Variants in YEATS2 observed in about 807,000 individuals in gnomAD.
YEATS2 encodes the protein YEATS domain-containing protein 2.
Under a neutral mutation model 163.2 loss-of-function variants are expected in YEATS2, and 77 were observed. The observed-to-expected ratio is 0.47, with a 90% CI of 0.39 to 0.57. The LOEUF (loss-of-function observed/expected upper bound fraction) is 0.57. Ranked by LOEUF, YEATS2 falls within the 20% of genes least tolerant of loss-of-function variation. YEATS2 has a pLI of 0.00. For synonymous variants in YEATS2, 631 were observed against 645.1 expected (o/e 0.98, Z 0.33); for missense variants, 1,549 against 1,729.8 (o/e 0.90, Z 1.85).
intron 20 of YEATS2, among the ~76,000 whole-genome samples, chr3:183,789,807 G>T (rs1577198279): frequency 6.6e-6 from 1 of 151,920 alleles, no homozygotes; most frequent in South Asian, 2.1e-4. Context: ...CCAAAGTGCT[G>T]GGATTATAGG....
At chr3:183,709,143 A>G (rs1339261053) in intron 1 of YEATS2, among the ~76,000 whole-genome samples, 2 of 151,738 alleles carry the variant, frequency 1.3e-5, no homozygotes, top group African/African-American at 2.4e-5. Flanking sequence ...CTGGGCGACA[A>G]AAGTGAGACT....
intron 27 of YEATS2, chr3:183,806,498 CTTTTT>C (rs748921892): frequency 2.3e-5 from 10 of 434,236 alleles, no homozygotes; most frequent in South Asian, 1.7e-4. Context: ...AGGGGTGATT[CTTTTT>C]ATTTTCTTCA....
chr3:183,778,882 A>G (rs1723276597), intron 19 of YEATS2, among the ~76,000 whole-genome samples: 1 of 152,066 alleles, frequency 6.6e-6, no homozygotes, highest in Non-Finnish European at 1.5e-5. Flanking sequence ...AGGTTTTTAT[A>G]TTACTGTTTT....
intron 11 of YEATS2, among the ~76,000 whole-genome samples, chr3:183,756,284 C>A (rs1442356616): frequency 1.3e-5 from 2 of 152,096 alleles, no homozygotes; most frequent in Admixed American, 6.6e-5. Flanking sequence ...CTGTTTCTTA[C>A]AATTTCCTCG....
rs192728298 is a variant in YEATS2, at chr3:183,776,334, A to G, written c.2577+211A>G. ...CAAGGTGGGTGGATCGCTTGAGCCC[A>G]GGAGTTCGAGACCAACCTGGGCAAC... On this transcript the variant is annotated intron_variant, in intron 18 of 30. Coordinates refer to ENST00000305135, the MANE Select transcript of YEATS2 (RefSeq NM_018023.5). Among the ~76,000 whole-genome samples the G allele has an allele frequency of 3.8e-4, 58 of 152,146 alleles. No homozygotes were observed. The East Asian group carries it at 0.011, about 28-fold the overall frequency.
At position 183,808,067 on chromosome 3, in the gene YEATS2, A is replaced by G; in HGVS notation, c.4049A>G (p.Asn1350Ser). Reference protein sequence around the residue: ...ITLQPVALHRNVYASVVEDMI... With the variant: ...ITLQPVALHRSVYASVVEDMI... ...CTGCAGCCCGTGGCACTCCACAGGA[A>G]CGTGTATGCGTCCGTGGTGGAGGAC... The change falls in exon 29 of 31, where the codon AAC (asparagine) becomes AGC (serine). Residue 1350 changes from asparagine (N) to serine (S), a missense_variant. Coordinates refer to ENST00000305135, the MANE Select transcript of YEATS2 (RefSeq NM_018023.5). 6.4e-7 allele frequency: 1 copy of G among 1,561,988 alleles called. No homozygotes were observed. Among genetic ancestry groups the G allele is most frequent in the Non-Finnish European group, 8.7e-7 (1 of 1,152,464 alleles).
intron 1 of YEATS2, among the ~76,000 whole-genome samples, chr3:183,701,559 TTC>T (rs1205284801): frequency 2.6e-5 from 4 of 152,024 alleles, no homozygotes; most frequent in African/African-American, 4.8e-5. Context: ...GCTAATTTTT[TTC>T]TTTTTCTTTT....
intron 15 of YEATS2, among the ~76,000 whole-genome samples, chr3:183,763,150 A>G (rs1721550219): frequency 6.6e-6 from 1 of 152,086 alleles, no homozygotes; most frequent in African/African-American, 2.4e-5. Flanking sequence ...TGATGATGGT[A>G]CATTCTGAGA....
intron 19 of YEATS2, among the ~76,000 whole-genome samples, chr3:183,783,716 A>G (rs1560311077): frequency 6.6e-6 from 1 of 152,142 alleles, no homozygotes; most frequent in African/African-American, 2.4e-5. Flanking sequence ...TGTTGCTTCA[A>G]AAGAAATGAT....
At chr3:183,751,547 G>C (rs371671664) in intron 9 of YEATS2, among the ~76,000 whole-genome samples, 1 of 152,154 alleles carries the variant, frequency 6.6e-6, no homozygotes, top group African/African-American at 2.4e-5. Context: ...AAATGAACAC[G>C]GTAGCTTCTT....
intron 11 of YEATS2, 139 bp downstream of exon 11, chr3:183,754,504 CTG>C (rs1720513920): frequency 8.2e-7 from 1 of 1,212,266 alleles, no homozygotes; most frequent in Non-Finnish European, 1.1e-6. Context: ...AAGTTTATCA[CTG>C]TTGATTGGCA....
intron 25 of YEATS2, chr3:183,802,519 A>ATATATATATACACGAG (rs1725776346): frequency 3.2e-5 from 2 of 62,296 alleles, no homozygotes; most frequent in Admixed American, 2.0e-4. Context: ...GTATACATGT[A>ATATATATATACACGAG]TATATATATA....
chr3:183,700,188 A>G (rs1713911661), intron 1 of YEATS2, among the ~76,000 whole-genome samples: 1 of 152,198 alleles, frequency 6.6e-6, no homozygotes, highest in Admixed American at 6.5e-5. Flanking sequence ...TACAGCATGC[A>G]GAGTTCTCCC....
intron 21 of YEATS2, chr3:183,792,972 C>T (rs1156383150): frequency 8.1e-6 from 3 of 368,390 alleles, no homozygotes; most frequent in Non-Finnish European, 1.5e-5. Flanking sequence ...TAATATATGG[C>T]TTTGCTTCTC....
At chr3:183,766,706 G>A (rs1243080883) in intron 15 of YEATS2, among the ~76,000 whole-genome samples, 1 of 152,134 alleles carries the variant, frequency 6.6e-6, no homozygotes, top group East Asian at 1.9e-4. Flanking sequence ...TGCTCTTGTG[G>A]GTTTTTTTGT....
chr3:183,797,846 A>G lies in YEATS2; in HGVS notation c.3098-77A>G, dbSNP rs1233287337. 1.4e-4 allele frequency: 221 copies of G among 1,568,540 alleles called. 1 individual carries two copies. Among genetic ancestry groups the G allele is most frequent in the Non-Finnish European group, 1.9e-4 (220 of 1,152,232 alleles). On this transcript the variant is annotated intron_variant, in intron 21 of 30. Coordinates refer to ENST00000305135, the MANE Select transcript of YEATS2 (RefSeq NM_018023.5). Reference sequence around the variant, plus strand: ...CTGGGAACTTCCTCCATGACAAAATATGGGTAGCACAGAGGATAAGAGACT... The same window carrying G: ...CTGGGAACTTCCTCCATGACAAAATGTGGGTAGCACAGAGGATAAGAGACT...
intron 18 of YEATS2, among the ~76,000 whole-genome samples, chr3:183,776,898 G>A (rs1279403941): frequency 4.6e-5 from 7 of 151,230 alleles, no homozygotes; most frequent in Non-Finnish European, 8.8e-5. Flanking sequence ...GTTGCAGTGA[G>A]CCAAGATCAC....
chr3:183,736,031 A>G (rs1197663127), intron 7 of YEATS2, among the ~76,000 whole-genome samples: 1 of 152,188 alleles, frequency 6.6e-6, no homozygotes, highest in Non-Finnish European at 1.5e-5. Flanking sequence ...CATATATGGA[A>G]GTAAAGAACA....
chr3:183,795,317 T>C (rs568323530), intron 21 of YEATS2, among the ~76,000 whole-genome samples: 59 of 152,192 alleles, frequency 3.9e-4, no homozygotes, highest in Admixed American at 7.9e-4. Context: ...GAGCAGAGTC[T>C]TGCTCTGTTA....
Sources: allele counts gnomAD v4.1 joint callset (sites outside exome capture counted in the v4.1 genomes callset), GRCh38; gene constraint gnomAD v4.1.1; transcripts MANE v1.5; gene names NCBI Gene and HGNC (gene_info 2026-07-23, HGNC 2026-07-21).